The following NT5DC1 variants were observed in gnomAD, a reference collection of about 807,000 sequenced individuals.
The protein encoded by NT5DC1 is 5'-nucleotidase domain-containing protein 1.
NT5DC1 carries 42 observed loss-of-function variants against 59.4 expected under a neutral mutation model. The ratio of observed to expected loss-of-function variants is 0.71; its 90% CI spans 0.55 to 0.92. The LOEUF is 0.92. Ranked by LOEUF, NT5DC1 falls within the 40% of genes least tolerant of loss-of-function variation. The probability of loss-of-function intolerance (pLI) is 0.00; values close to 1 mark genes in which losing one functional copy is unlikely to be tolerated. For missense variants in NT5DC1, 501 were observed against 537.1 expected (o/e 0.93, Z 0.66); for synonymous variants, 172 against 188.1 (o/e 0.91, Z 0.70).
rs770109733 is a variant in NT5DC1 at position 116,121,342 on chromosome 6, T to A, written c.529+3397T>A. The A allele has an allele frequency of 8.1e-6, 13 of 1,613,846 alleles. No individual in the cohort carries two copies. The African/African-American group carries it at 1.7e-4, about 22-fold the overall frequency. On this transcript the variant is annotated intron_variant, in intron 6 of 11. Coordinates refer to ENST00000319550, the MANE Select transcript of NT5DC1 (RefSeq NM_152729.3). ...CTGGCTTTCCAATGCCTTCTGGCCC[T>A]CGTTCCCCAGGAGGGCCTTGGGGAC...
At chr6:116,211,982 G>A (rs1169549282) in intron 6 of NT5DC1, among the ~76,000 whole-genome samples, 1 of 152,026 alleles carries the variant, frequency 6.6e-6, no homozygotes, top group Non-Finnish European at 1.5e-5. Flanking sequence ...TTTAGGATAA[G>A]AACCCAGGCT....
chr6:116,105,635 G>A (rs1396221071), intron 1 of NT5DC1, among the ~76,000 whole-genome samples: 3 of 152,082 alleles, frequency 2.0e-5, no homozygotes, highest in Non-Finnish European at 4.4e-5. Flanking sequence ...TTGTTGTTGA[G>A]AAATAAGATC....
At chr6:116,140,414 A>G (rs1298482572) in intron 6 of NT5DC1, among the ~76,000 whole-genome samples, 1 of 152,048 alleles carries the variant, frequency 6.6e-6, no homozygotes, top group Admixed American at 6.6e-5. Context: ...AAGAACAGGT[A>G]CCCATTTTTT....
chr6:116,115,779 G>C lies in NT5DC1; in HGVS notation c.444+9G>C. On this transcript the variant is annotated intron_variant, in intron 5 of 11. Transcript: ENST00000319550. Reference sequence around the variant, plus strand: ...TGGACTATTTAACAAAAGTAAGTGGGGACTCATTTTTTAAAACTATGATAT... The same window carrying C: ...TGGACTATTTAACAAAAGTAAGTGGCGACTCATTTTTTAAAACTATGATAT... 2 of 1,455,992 alleles carry C rather than the reference G, an allele frequency of 1.4e-6. No homozygotes were observed. Among genetic ancestry groups the C allele is most frequent in the Non-Finnish European group, 1.9e-6 (2 of 1,037,050 alleles). 90.2% of individuals were successfully genotyped at this position (1,455,992 alleles called of 1,614,324 possible).
At chr6:116,151,770 C>A (rs1031158726) in intron 6 of NT5DC1, among the ~76,000 whole-genome samples, 6 of 152,136 alleles carry the variant, frequency 3.9e-5, no homozygotes, top group African/African-American at 1.4e-4. Flanking sequence ...TAGTCTACCA[C>A]AGCAAATAAA....
Position 116,125,589 on chromosome 6 carries a change from T to C in NT5DC1, c.529+7644T>C. 8 of 1,238,966 alleles carry C rather than the reference T, an allele frequency of 6.5e-6. No individual in the cohort carries two copies. In the South Asian group the frequency reaches 1.0e-4, roughly 16 times the overall value. 76.7% of individuals were successfully genotyped at this position (1,238,966 alleles called of 1,614,324 possible). On this transcript the variant is annotated intron_variant, in intron 6 of 11. Transcript: ENST00000319550. ...TCTCATGTTTCACAGATGAGTTCTT[T>C]ATACAGTTATCTACTTTTTTAACCT...
rs1779596868 is a variant in NT5DC1 at position 116,136,193 on chromosome 6, TC to T, written c.529+18250del. Among the ~76,000 whole-genome samples, 3 of 152,120 alleles carry T rather than the reference TC, an allele frequency of 2.0e-5. No individual in the cohort carries two copies. The South Asian group carries it at 6.2e-4, about 32-fold the overall frequency. On this transcript the variant is annotated intron_variant, in intron 6 of 11. Coordinates refer to ENST00000319550, the MANE Select transcript of NT5DC1 (RefSeq NM_152729.3). ...TATGAGTGAGATCATGCAGTATTTG[TC>T]CTTCTGTGTCTGGTGTATTTCACTT...
At chr6:116,109,543 C>A (rs1040885174) in intron 3 of NT5DC1, among the ~76,000 whole-genome samples, 7 of 152,156 alleles carry the variant, frequency 4.6e-5, no homozygotes, top group African/African-American at 1.4e-4. Context: ...TCCCAGTACC[C>A]CTCCTACAAG....
intron 6 of NT5DC1, among the ~76,000 whole-genome samples, chr6:116,152,046 C>G (rs1179183746): frequency 1.3e-5 from 2 of 152,168 alleles, no homozygotes; most frequent in Non-Finnish European, 2.9e-5. Flanking sequence ...GTTGATTTCA[C>G]TACATTCTTC....
At chr6:116,158,562 G>C (rs955142260) in intron 6 of NT5DC1, 1 of 152,042 alleles carries the variant, frequency 6.6e-6, no homozygotes, top group Admixed American at 6.5e-5. Flanking sequence ...TTTTCATCTA[G>C]TCACATTATT....
intron 6 of NT5DC1, among the ~76,000 whole-genome samples, chr6:116,139,225 G>T (rs1240165070): frequency 6.6e-6 from 1 of 152,090 alleles, no homozygotes; most frequent in Non-Finnish European, 1.5e-5. Context: ...TCAAAGTGTG[G>T]ATTTTTTGGG....
At chr6:116,180,236 A>G (rs1461593020) in intron 6 of NT5DC1, among the ~76,000 whole-genome samples, 2 of 152,058 alleles carry the variant, frequency 1.3e-5, no homozygotes, top group African/African-American at 4.8e-5. Flanking sequence ...TCATTTTTCA[A>G]CGTTTAGAGG....
chr6:116,172,667 T>A (rs537608319), intron 6 of NT5DC1, among the ~76,000 whole-genome samples: 1 of 152,192 alleles, frequency 6.6e-6, no homozygotes, highest in East Asian at 1.9e-4. Flanking sequence ...TTATGTTTTC[T>A]CTGTATAGCA....
At chr6:116,197,530 G>A (rs763380473) in intron 6 of NT5DC1, among the ~76,000 whole-genome samples, 16 of 151,916 alleles carry the variant, frequency 1.1e-4, no homozygotes, top group Non-Finnish European at 1.8e-4. Context: ...CAGGTACAGC[G>A]GTTAATAACA....
chr6:116,182,677 A>G (rs546686146), intron 6 of NT5DC1, among the ~76,000 whole-genome samples: 88 of 151,934 alleles, frequency 5.8e-4, no homozygotes, highest in African/African-American at 2.0e-3. Flanking sequence ...GTCCATTTGT[A>G]TATCTTCTTT....
At chr6:116,210,803 G>GT (rs1781561548) in intron 6 of NT5DC1, among the ~76,000 whole-genome samples, 1 of 151,798 alleles carries the variant, frequency 6.6e-6, no homozygotes. Flanking sequence ...AGAAACACAG[G>GT]TAAAAAAAAC....
intron 8 of NT5DC1, among the ~76,000 whole-genome samples, chr6:116,229,778 C>T (rs1031999436): frequency 6.6e-6 from 1 of 152,122 alleles, no homozygotes; most frequent in Non-Finnish European, 1.5e-5. Context: ...CATGAGCCAA[C>T]TCTCTCTGTC....
intron 6 of NT5DC1, among the ~76,000 whole-genome samples, chr6:116,131,635 G>C (rs1214159983): frequency 6.6e-6 from 1 of 152,088 alleles, no homozygotes; most frequent in Non-Finnish European, 1.5e-5. Context: ...CCTATAGGTG[G>C]ACATCTGTGT....
intron 6 of NT5DC1, among the ~76,000 whole-genome samples, chr6:116,138,186 A>G (rs1779661020): frequency 2.6e-5 from 4 of 152,194 alleles, no homozygotes; most frequent in South Asian, 2.1e-4. Flanking sequence ...TTTACTTGTC[A>G]TAGCAGCCCC....
Sources: allele counts gnomAD v4.1 joint callset (sites outside exome capture counted in the v4.1 genomes callset), GRCh38; gene constraint gnomAD v4.1.1; transcripts MANE v1.5; gene names NCBI Gene and HGNC (gene_info 2026-07-23, HGNC 2026-07-21).